FGD4: variants seen among roughly 807,000 people sequenced by gnomAD.
FGD4 encodes the protein FYVE, RhoGEF and PH domain-containing protein 4.
Under a neutral mutation model 102.0 loss-of-function variants are expected in FGD4, and 42 were observed. That is an observed-to-expected ratio of 0.41 (90% CI 0.32 to 0.53). The LOEUF (loss-of-function observed/expected upper bound fraction) is 0.53, where lower values mean the gene tolerates loss of function less well. Among genes scored for constraint, FGD4 ranks in the 20% least tolerant of loss-of-function variants. The pLI is 0.21. For synonymous variants in FGD4, 380 were observed against 375.7 expected (o/e 1.01, Z -0.13); for missense variants, 902 against 1,078.2 (o/e 0.84, Z 2.29).
At chr12:32,562,619 C>T (rs578208938) in intron 1 of FGD4, among the ~76,000 whole-genome samples, 3 of 152,170 alleles carry the variant, frequency 2.0e-5, no homozygotes, top group Admixed American at 6.5e-5. Context: ...TGATTCTTAA[C>T]GAGCATGCTG....
intron 1 of FGD4, among the ~76,000 whole-genome samples, chr12:32,462,461 G>A (rs1352937082): frequency 1.3e-5 from 2 of 152,164 alleles, no homozygotes; most frequent in Non-Finnish European, 2.9e-5. Flanking sequence ...GCGCCCAGCC[G>A]ACTTTCAAAT....
intron 1 of FGD4, among the ~76,000 whole-genome samples, chr12:32,483,591 A>G (rs557430191): frequency 6.6e-6 from 1 of 152,358 alleles, no homozygotes; most frequent in East Asian, 1.9e-4. Flanking sequence ...CCTGGTTCAC[A>G]GTAGCAGTGC....
chr12:32,483,717 A>G (rs1176798973), intron 1 of FGD4, among the ~76,000 whole-genome samples: 1 of 152,150 alleles, frequency 6.6e-6, no homozygotes, highest in Non-Finnish European at 1.5e-5. Context: ...CTCATTTGAC[A>G]TCTTCACTCC....
chr12:32,561,531 C>T (rs1361612340), intron 1 of FGD4, among the ~76,000 whole-genome samples: 2 of 152,058 alleles, frequency 1.3e-5, no homozygotes, highest in South Asian at 2.1e-4. Context: ...TCTGAGTTCT[C>T]TTTGAGATAT....
intron 3 of FGD4, among the ~76,000 whole-genome samples, chr12:32,580,132 T>TG (rs1946486407): frequency 6.6e-6 from 1 of 152,168 alleles, no homozygotes. Context: ...CATCATAACT[T>TG]GGGGTGAAGA....
intron 2 of FGD4, among the ~76,000 whole-genome samples, chr12:32,571,245 G>A (rs1374389816): frequency 6.6e-6 from 1 of 152,044 alleles, no homozygotes; most frequent in South Asian, 2.1e-4. Context: ...ACCTGAGGTC[G>A]GGAGTTTGAG....
At chr12:32,637,201 A>T (rs1375379596) in intron 15 of FGD4, among the ~76,000 whole-genome samples, 2 of 151,072 alleles carry the variant, frequency 1.3e-5, no homozygotes, top group South Asian at 2.1e-4. Flanking sequence ...TTAGCCAACA[A>T]TTTTTATATT....
intron 2 of FGD4, among the ~76,000 whole-genome samples, chr12:32,567,533 G>T (rs1945290727): frequency 6.6e-6 from 1 of 152,058 alleles, no homozygotes; most frequent in South Asian, 2.1e-4. Flanking sequence ...ATCCTGCAAT[G>T]CACGGGACAG....
intron 10 of FGD4, among the ~76,000 whole-genome samples, chr12:32,615,313 C>A (rs1304154290): frequency 6.6e-6 from 1 of 152,058 alleles, no homozygotes; most frequent in East Asian, 1.9e-4. Flanking sequence ...CTAAGACTAG[C>A]AAGGAATGGA....
At chr12:32,601,972 A>T (rs1374001088) in intron 6 of FGD4, among the ~76,000 whole-genome samples, 189 bp from the exon 7 acceptor site, 1 of 152,078 alleles carries the variant, frequency 6.6e-6, no homozygotes, top group Non-Finnish European at 1.5e-5. Flanking sequence ...GCCACTAGCC[A>T]GGCGTGGTGG....
chr12:32,562,521 A>G (rs1315623543), intron 1 of FGD4, among the ~76,000 whole-genome samples: 1 of 152,182 alleles, frequency 6.6e-6, no homozygotes, highest in Non-Finnish European at 1.5e-5. Context: ...AAACAAGTGA[A>G]CAAAGGTCTC....
At chr12:32,580,985 A>G (rs184668014) in intron 3 of FGD4, among the ~76,000 whole-genome samples, 2 of 152,314 alleles carry the variant, frequency 1.3e-5, no homozygotes. Flanking sequence ...TGTTATGTCA[A>G]GCAGTAATAA....
intron 1 of FGD4, among the ~76,000 whole-genome samples, chr12:32,557,334 C>G (rs2136228883): frequency 6.6e-6 from 1 of 152,290 alleles, no homozygotes; most frequent in Non-Finnish European, 1.5e-5. Context: ...CTGCAATTCC[C>G]AAAGTTACAT....
intron 1 of FGD4, among the ~76,000 whole-genome samples, chr12:32,555,047 T>G (rs1244579196): frequency 6.6e-6 from 1 of 152,230 alleles, no homozygotes; most frequent in Non-Finnish European, 1.5e-5. Flanking sequence ...TTTGACAATA[T>G]GGACTGCACT....
At chr12:32,591,499 T>A (rs920990506) in intron 4 of FGD4, among the ~76,000 whole-genome samples, 1 of 152,218 alleles carries the variant, frequency 6.6e-6, no homozygotes, top group Non-Finnish European at 1.5e-5. Context: ...ATCATAATTG[T>A]TTTTAGCATT....
chr12:32,475,950 T>A (rs1269022779), intron 1 of FGD4, among the ~76,000 whole-genome samples: 1 of 152,224 alleles, frequency 6.6e-6, no homozygotes, highest in Admixed American at 6.5e-5. Context: ...ACCAAACAGT[T>A]CCTTTTTAAA....
intron 1 of FGD4, among the ~76,000 whole-genome samples, chr12:32,424,144 C>T (rs925481053): frequency 3.3e-5 from 5 of 152,042 alleles, no homozygotes; most frequent in Non-Finnish European, 4.4e-5. Context: ...TAGGTATACA[C>T]GTGCCATGGT....
At chr12:32,446,725 T>G (rs1238264973) in intron 1 of FGD4, among the ~76,000 whole-genome samples, 1 of 152,168 alleles carries the variant, frequency 6.6e-6, no homozygotes, top group East Asian at 1.9e-4. Flanking sequence ...ATCAACAGCA[T>G]GCGCGTGATT....
chr12:32,580,190 C>G (rs548339272), intron 3 of FGD4, among the ~76,000 whole-genome samples: 1 of 152,246 alleles, frequency 6.6e-6, no homozygotes, highest in African/African-American at 2.4e-5. Context: ...GGCTTTTCTG[C>G]TTGTTACATT....
Sources: allele counts gnomAD v4.1 joint callset (sites outside exome capture counted in the v4.1 genomes callset), GRCh38; gene constraint gnomAD v4.1.1; transcripts MANE v1.5; gene names NCBI Gene and HGNC (gene_info 2026-07-23, HGNC 2026-07-21).